Variants in GPX4 observed in about 807,000 individuals in gnomAD.
The protein encoded by GPX4 is glutathione peroxidase 4.
In GPX4, 28 loss-of-function variants were observed where a neutral mutation model predicts 27.8. The ratio of observed to expected loss-of-function variants is 1.01; its 90% CI spans 0.75 to 1.38. GPX4 has a LOEUF of 1.38. Ranked by LOEUF, GPX4 falls within the 40% of genes most tolerant of loss-of-function variation. GPX4 has a pLI of 0.00. For missense variants in GPX4, 357 were observed against 274.1 expected (o/e 1.30, Z -2.14); for synonymous variants, 163 against 107.8 (o/e 1.51, Z -3.17).
At chr19:1,104,202 G>A in intron 1 of GPX4, 75 bp downstream of exon 1, 1 of 1,262,332 alleles carries the variant, frequency 7.9e-7, no homozygotes, top group Non-Finnish European at 1.0e-6. Flanking sequence ...CCGCTCGCCG[G>A]CGTGGGGAAC....
At chr19:1,104,806 G>A (rs868818586) in intron 1 of GPX4, 73 of 997,116 alleles carry the variant, frequency 7.3e-5, no homozygotes, top group Non-Finnish European at 8.7e-5. Context: ...GGCGGCGGCC[G>A]CGAGCCCCTC....
Position 1,105,032 on chromosome 19 carries a change from G to C in GPX4, c.85-154G>C, listed in dbSNP as rs2079630951. ...TAAAACCGGACCAGAAGTACAAGGG[G>C]GCGTGTGCGTTTAAGGAGGAGGAGC... On this transcript the variant is annotated intron_variant, in intron 1 of 6. Transcript: ENST00000354171. The C allele has an allele frequency of 4.1e-6, 6 of 1,469,074 alleles. No homozygotes were observed. The South Asian group carries it at 6.7e-5, about 17-fold the overall frequency. 91.0% of individuals were successfully genotyped at this position (1,469,074 alleles called of 1,614,324 possible).
At position 1,104,040 on chromosome 19, in the gene GPX4, C is replaced by A. The variant is rs917166881; in HGVS notation, c.-4C>A. Reference sequence around the variant, plus strand: ...AGGAGCCGCTGGCTCCCAGCCCCGCCGCGATGAGCCTCGGCCGCCTTTGCC... The same window carrying A: ...AGGAGCCGCTGGCTCCCAGCCCCGCAGCGATGAGCCTCGGCCGCCTTTGCC... On this transcript the variant is annotated 5_prime_UTR_variant, in exon 1 of 7. Coordinates refer to ENST00000354171, the MANE Select transcript of GPX4 (RefSeq NM_002085.5). 2 of 1,518,766 alleles carry A rather than the reference C, an allele frequency of 1.3e-6. No homozygotes were observed. Among genetic ancestry groups the A allele is most frequent in the Admixed American group, 2.0e-5 (1 of 49,908 alleles). 94.1% of individuals were successfully genotyped at this position (1,518,766 alleles called of 1,614,324 possible). A position where few individuals can be genotyped will look rare whatever the true frequency, so the allele number is the denominator to read the frequency against.
chr19:1,105,112 G>A lies in GPX4; in HGVS notation c.85-74G>A. ...GTGTCCCCGCCACCGACCCGCTCCC[G>A]ATCCCTTCCTGCCTCAGGGTCCCGG... On this transcript the variant is annotated intron_variant, in intron 1 of 6. Coordinates refer to ENST00000354171, the MANE Select transcript of GPX4 (RefSeq NM_002085.5). 3 of 1,567,496 alleles carry A rather than the reference G, an allele frequency of 1.9e-6. No homozygotes were observed. The South Asian group carries it at 3.4e-5, about 18-fold the overall frequency.
chr19:1,106,698 C>T lies in GPX4; in HGVS notation c.*126C>T, dbSNP rs756502326. The T allele has an allele frequency of 1.5e-5, 19 of 1,305,110 alleles. No individual in the cohort carries two copies. The highest frequency in any genetic ancestry group is 1.9e-4 in the Middle Eastern group (1 of 5,218). The allele number at this position is 1,305,110 out of a possible 1,614,324, so 80.8% of individuals were successfully genotyped here. A position where few individuals can be genotyped will look rare whatever the true frequency, so the allele number is the denominator to read the frequency against. ...CCCGAAAATCCAGCGTGCACCCCGC[C>T]GGAGGAAGGTCCCATGGCCTGCTGG... On this transcript the variant is annotated 3_prime_UTR_variant, in exon 7 of 7. Transcript: ENST00000354171.
At chr19:1,105,876 C>T (rs1366042521) in intron 4 of GPX4, 67 bp downstream of exon 4, 3 of 1,454,540 alleles carry the variant, frequency 2.1e-6, no homozygotes, top group Non-Finnish European at 2.8e-6. Flanking sequence ...GATGCTCACA[C>T]CTCCCTGGGG....
Position 1,106,725 on chromosome 19 carries a change from C to A in GPX4, c.*153C>A. Reference sequence around the variant, plus strand: ...GAGGAAGGTCCCATGGCCTGCTGGGCTTGGCTCGGCGCCCCCACCCCTGGC... The same window carrying A: ...GAGGAAGGTCCCATGGCCTGCTGGGATTGGCTCGGCGCCCCCACCCCTGGC... On this transcript the variant is annotated 3_prime_UTR_variant, in exon 7 of 7. Transcript: ENST00000354171. The A allele has an allele frequency of 1.0e-6, 1 of 970,268 alleles. No homozygotes were observed. Among genetic ancestry groups the A allele is most frequent in the Non-Finnish European group, 1.5e-6 (1 of 665,684 alleles). The allele number at this position is 970,268 out of a possible 1,614,324, so 60.1% of individuals were successfully genotyped here. A position where few individuals can be genotyped will look rare whatever the true frequency, so the allele number is the denominator to read the frequency against.
intron 4 of GPX4, chr19:1,106,029 G>A: frequency 1.4e-6 from 1 of 713,978 alleles, no homozygotes; most frequent in Admixed American, 2.9e-5. Flanking sequence ...GTGGCCTCCT[G>A]GGGACAGGAT....
Position 1,106,236 on chromosome 19 carries a change from T to G in GPX4, c.477-6T>G. 1 of 1,603,780 alleles carries G rather than the reference T, an allele frequency of 6.2e-7. No homozygotes were observed. The highest frequency in any genetic ancestry group is 8.5e-7 in the Non-Finnish European group (1 of 1,174,428). On this transcript the variant is annotated splice_region_variant and splice_polypyrimidine_tract_variant and intron_variant, in intron 4 of 6. Coordinates refer to ENST00000354171, the MANE Select transcript of GPX4 (RefSeq NM_002085.5). ...GGACGCTCACGTCCATGTGCTTCTT[T>G]TCCAGTGCCATCAAGTGGAACTTCA...
In GPX4 at chr19:1,104,099, T is replaced by C; in HGVS notation, c.56T>C (p.Leu19Pro). 1 of 1,506,176 alleles carries C rather than the reference T, an allele frequency of 6.6e-7. No homozygotes were observed. Among genetic ancestry groups the C allele is most frequent in the Non-Finnish European group, 8.8e-7 (1 of 1,134,456 alleles). The allele number at this position is 1,506,176 out of a possible 1,614,324, so 93.3% of individuals were successfully genotyped here. ...AAGCCGGCGCTGCTCTGTGGGGCTC[T>C]GGCCGCGCCTGGCCTGGCCGGGACC... ...LLKPALLCGA[L>P]AAPGLAGTMC... The change falls in exon 1 of 7, where the codon CTG becomes CCG. Residue 19 changes from leucine (L) to proline (P), a missense_variant. Transcript: ENST00000354171.
At chr19:1,105,540 A>C in intron 3 of GPX4, 30 bp downstream of exon 3, 5 of 901,202 alleles carry the variant, frequency 5.5e-6, no homozygotes, top group Non-Finnish European at 8.3e-6. Flanking sequence ...GGGCCCGCAG[A>C]GGCGGGTGGG....
At chr19:1,106,109 G>A (rs2079650247) in intron 4 of GPX4, 133 bp from the exon 5 acceptor site, 1 of 848,448 alleles carries the variant, frequency 1.2e-6, no homozygotes, top group African/African-American at 1.7e-5. Flanking sequence ...GATGGCTCTG[G>A]GGGGGCTTGG....
In GPX4 at chr19:1,106,260, C is replaced by A; in HGVS notation, c.495C>A (p.Phe165Leu). The A allele has an allele frequency of 6.2e-7, 1 of 1,605,616 alleles. No homozygotes were observed. Among genetic ancestry groups the A allele is most frequent in the Non-Finnish European group, 8.5e-7 (1 of 1,175,356 alleles). ...TTTCCAGTGCCATCAAGTGGAACTT[C>A]ACCAAGGTAAGGGGGCTGTGGGGGG... Reference protein sequence around the residue: ...GILGNAIKWNFTKFLIDKNGC... With the variant: ...GILGNAIKWNLTKFLIDKNGC... The change falls in exon 5 of 7, where the codon TTC becomes TTA. Residue 165 changes from phenylalanine (F) to leucine (L), a missense_variant. Physicochemically the swap from Phe to Leu is conservative, Grantham distance 22 (BLOSUM62 0). Coordinates refer to ENST00000354171, the MANE Select transcript of GPX4 (RefSeq NM_002085.5).
Position 1,106,108 on chromosome 19 carries a change from G to T in GPX4, c.477-134G>T, listed in dbSNP as rs4807543. 0.05 allele frequency: 41,031 copies of T among 825,770 alleles called. 1,675 individuals are homozygous for T. The highest frequency in any genetic ancestry group is 0.2 in the Admixed American group (7,222 of 36,402). 51.2% of individuals were successfully genotyped at this position (825,770 alleles called of 1,614,324 possible). A position where few individuals can be genotyped will look rare whatever the true frequency, so the allele number is the denominator to read the frequency against. ...TGGCCTCCTGGGGTAAGATGGCTCT[G>T]GGGGGGCTTGGGGGCACTGTGGCTG... On this transcript the variant is annotated intron_variant, in intron 4 of 6. Coordinates refer to ENST00000354171, the MANE Select transcript of GPX4 (RefSeq NM_002085.5).
chr19:1,104,782 C>G (rs2079627727), intron 1 of GPX4: 1 of 989,512 alleles, frequency 1.0e-6, no homozygotes, highest in Non-Finnish European at 1.2e-6. Context: ...GGCAGCGGTG[C>G]CAGAGCCGGG....
At chr19:1,104,287 G>A in intron 1 of GPX4, 160 bp downstream of exon 1, 1 of 654,822 alleles carries the variant, frequency 1.5e-6, no homozygotes, top group African/African-American at 1.9e-5. Context: ...CACGGACGCG[G>A]GTGACCGTAC....
At chr19:1,105,984 G>A (rs543261909) in intron 4 of GPX4, 175 bp downstream of exon 4, 14 of 814,392 alleles carry the variant, frequency 1.7e-5, no homozygotes, top group Non-Finnish European at 2.5e-5. Flanking sequence ...GGGACATAGA[G>A]GGCTGTGGAG....
chr19:1,106,739 C>T lies in GPX4; in HGVS notation c.*167C>T, dbSNP rs1237198645. ...GGCCTGCTGGGCTTGGCTCGGCGCC[C>T]CCACCCCTGGCTACCTTGTGGGAAT... On this transcript the variant is annotated 3_prime_UTR_variant, in exon 7 of 7. Coordinates refer to ENST00000354171, the MANE Select transcript of GPX4 (RefSeq NM_002085.5). 5 of 802,320 alleles carry T rather than the reference C, an allele frequency of 6.2e-6. No individual in the cohort carries two copies. The highest frequency in any genetic ancestry group is 9.7e-6 in the Non-Finnish European group (5 of 516,600). The allele number at this position is 802,320 out of a possible 1,614,324, so 49.7% of individuals were successfully genotyped here.
chr19:1,106,211 G>A lies in GPX4; in HGVS notation c.477-31G>A, dbSNP rs200506822. 757 of 1,585,656 alleles carry A rather than the reference G, an allele frequency of 4.8e-4. 4 individuals are homozygous for A. In the African/African-American group the frequency reaches 9.1e-3, roughly 19 times the overall value. On this transcript the variant is annotated intron_variant, in intron 4 of 6. Transcript: ENST00000354171. Reference sequence around the variant, plus strand: ...CTTGGGGACTGTGGGGGGCTGCTGGGGACGCTCACGTCCATGTGCTTCTTT... The same window carrying A: ...CTTGGGGACTGTGGGGGGCTGCTGGAGACGCTCACGTCCATGTGCTTCTTT...
Sources: allele counts gnomAD v4.1 joint callset, GRCh38; gene constraint gnomAD v4.1.1; transcripts MANE v1.5; gene names NCBI Gene and HGNC (gene_info 2026-07-23, HGNC 2026-07-21).